Variants in PPTC7 observed in about 807,000 individuals in gnomAD.
The protein encoded by PPTC7 is protein phosphatase PTC7 homolog.
In PPTC7, 6 loss-of-function variants were observed where a neutral mutation model predicts 30.8. The ratio of observed to expected loss-of-function variants is 0.19; its 90% CI spans 0.11 to 0.38. PPTC7 has a LOEUF of 0.38. PPTC7 is among the 10% of genes least tolerant of loss of function. The probability of loss-of-function intolerance (pLI) is 1.00; values close to 1 mark genes in which losing one functional copy is unlikely to be tolerated. For synonymous variants in PPTC7, 163 were observed against 168.1 expected (o/e 0.97, Z 0.23); for missense variants, 218 against 404.8 (o/e 0.54, Z 3.96).
chr12:110,538,583 A>G (rs1230720101), intron 4 of PPTC7, among the ~76,000 whole-genome samples: 1 of 152,186 alleles, frequency 6.6e-6, no homozygotes, highest in African/African-American at 2.4e-5. Context: ...TTTGAAGGAT[A>G]CCTCAAAAGC....
At chr12:110,569,128 T>C (rs1593163191) in intron 1 of PPTC7, among the ~76,000 whole-genome samples, 1 of 143,148 alleles carries the variant, frequency 7.0e-6, no homozygotes, top group South Asian at 2.2e-4. Flanking sequence ...AGGTCTGGAG[T>C]TCAAGACCAG....
intron 3 of PPTC7, among the ~76,000 whole-genome samples, chr12:110,544,954 C>T (rs1408844830): frequency 1.3e-5 from 2 of 152,102 alleles, no homozygotes; most frequent in Non-Finnish European, 2.9e-5. Context: ...AAGAACATAT[C>T]CAAGACCACT....
At chr12:110,578,086 A>G (rs1178094740) in intron 1 of PPTC7, among the ~76,000 whole-genome samples, 1 of 152,166 alleles carries the variant, frequency 6.6e-6, no homozygotes, top group Non-Finnish European at 1.5e-5. Flanking sequence ...AGTTCCACCA[A>G]TAACTAGTAG....
intron 1 of PPTC7, among the ~76,000 whole-genome samples, chr12:110,575,389 G>GA (rs1289372592): frequency 6.6e-6 from 1 of 151,910 alleles, no homozygotes; most frequent in Non-Finnish European, 1.5e-5. Flanking sequence ...AACATAAAAT[G>GA]AATTTGACAT....
intron 1 of PPTC7, among the ~76,000 whole-genome samples, chr12:110,555,717 A>C (rs1468632410): frequency 6.6e-6 from 1 of 152,142 alleles, no homozygotes; most frequent in Non-Finnish European, 1.5e-5. Flanking sequence ...CTAACTAGGG[A>C]TCTATCTTAC....
intron 1 of PPTC7, among the ~76,000 whole-genome samples, chr12:110,561,995 T>C (rs1360230539): frequency 6.6e-6 from 1 of 151,934 alleles, no homozygotes; most frequent in Non-Finnish European, 1.5e-5. Flanking sequence ...GACTGTGAAA[T>C]GTTGTATCTG....
Position 110,537,008 on chromosome 12 carries a change from G to C in PPTC7, c.*29C>G. On this transcript the variant is annotated 3_prime_UTR_variant, in exon 6 of 6. Transcript: ENST00000354300. Reference sequence around the variant, plus strand: ...CATGGCAGGGGAAATTTGGGATGATGAAAGGAAAGGCAGGACTTGACACCT... The same window carrying C: ...CATGGCAGGGGAAATTTGGGATGATCAAAGGAAAGGCAGGACTTGACACCT... The C allele has an allele frequency of 1.9e-6, 3 of 1,581,998 alleles. No homozygotes were observed. Among genetic ancestry groups the C allele is most frequent in the Non-Finnish European group, 2.6e-6 (3 of 1,156,046 alleles).
At chr12:110,574,537 T>TA (rs1265546244) in intron 1 of PPTC7, among the ~76,000 whole-genome samples, 3 of 152,312 alleles carry the variant, frequency 2.0e-5, no homozygotes, top group South Asian at 4.1e-4. Context: ...TTTTTCCTGT[T>TA]AGAGATTTTA....
chr12:110,539,973 G>C (rs1439124355), intron 3 of PPTC7, 28 bp from the exon 4 acceptor site: 1 of 1,609,636 alleles, frequency 6.2e-7, no homozygotes, highest in Admixed American at 1.7e-5. Context: ...GAGGGACAAA[G>C]TTAAGAAGGC....
chr12:110,542,043 G>A (rs1463447483), intron 3 of PPTC7, among the ~76,000 whole-genome samples: 1 of 152,000 alleles, frequency 6.6e-6, no homozygotes, highest in African/African-American at 2.4e-5. Flanking sequence ...CTACTTGGGA[G>A]GCCGACACAG....
In PPTC7 at chr12:110,568,570, C is replaced by T. The variant is rs114383280; in HGVS notation, c.223+14239G>A. 6.1e-3 allele frequency among the ~76,000 whole-genome samples: 929 copies of T among 152,308 alleles called. 16 individuals are homozygous for T. Among genetic ancestry groups the T allele is most frequent in the African/African-American group, 0.021 (858 of 41,564 alleles). On this transcript the variant is annotated intron_variant, in intron 1 of 5. Coordinates refer to ENST00000354300, the MANE Select transcript of PPTC7 (RefSeq NM_139283.2). ...CCTGGCCCTCATGCATATTCTTTCACACCAGTCCTGTGCATGTTTGCCTTC... is the reference window on the plus strand; with the variant it reads ...CCTGGCCCTCATGCATATTCTTTCATACCAGTCCTGTGCATGTTTGCCTTC...
At chr12:110,548,661 T>C (rs1231857443) in intron 2 of PPTC7, among the ~76,000 whole-genome samples, 1 of 152,188 alleles carries the variant, frequency 6.6e-6, no homozygotes, top group Non-Finnish European at 1.5e-5. Flanking sequence ...GAGTAGCACA[T>C]CCTTGAAAAT....
intron 3 of PPTC7, 67 bp from the exon 4 acceptor site, chr12:110,540,012 C>A (rs1453940364): frequency 1.0e-5 from 15 of 1,442,732 alleles, no homozygotes; most frequent in Non-Finnish European, 1.4e-5. Context: ...AAATGTCCTA[C>A]AGGCACTATT....
chr12:110,555,761 T>C (rs1186984790), intron 1 of PPTC7, among the ~76,000 whole-genome samples: 1 of 152,022 alleles, frequency 6.6e-6, no homozygotes, highest in Non-Finnish European at 1.5e-5. Context: ...TTTCAAGGAG[T>C]TGTGAAGAGG....
intron 1 of PPTC7, among the ~76,000 whole-genome samples, chr12:110,573,873 C>T (rs748881899): frequency 1.3e-5 from 2 of 151,800 alleles, no homozygotes; most frequent in Non-Finnish European, 2.9e-5. Flanking sequence ...CCCAGCTACT[C>T]GGGAGGCTGA....
intron 1 of PPTC7, among the ~76,000 whole-genome samples, chr12:110,575,311 T>A (rs979800140): frequency 6.6e-6 from 1 of 152,138 alleles, no homozygotes; most frequent in Admixed American, 6.6e-5. Context: ...AACTTACTTT[T>A]GCAAAGCATT....
chr12:110,572,645 T>G (rs2064547897), intron 1 of PPTC7, among the ~76,000 whole-genome samples: 1 of 152,092 alleles, frequency 6.6e-6, no homozygotes, highest in Admixed American at 6.6e-5. Flanking sequence ...TCTGGCAAAG[T>G]TTTTGCAGTC....
intron 1 of PPTC7, among the ~76,000 whole-genome samples, chr12:110,581,847 G>A (rs1490802844): frequency 6.6e-6 from 1 of 152,222 alleles, no homozygotes; most frequent in Non-Finnish European, 1.5e-5. Context: ...AAATCAAAGT[G>A]ACATTTGAAC....
rs1184025573 is a variant in PPTC7, at chr12:110,534,621, A to G, written c.*2416T>C. On this transcript the variant is annotated 3_prime_UTR_variant, in exon 6 of 6. Transcript: ENST00000354300. ...CCCCGGCAGTCATAAAATTAAGTGCATAACACAAAAAGAACAGGGGAAAAT... is the reference window on the plus strand; with the variant it reads ...CCCCGGCAGTCATAAAATTAAGTGCGTAACACAAAAAGAACAGGGGAAAAT... The G allele has an allele frequency of 2.0e-5, 3 of 152,200 alleles. No individual in the cohort carries two copies. Among genetic ancestry groups the G allele is most frequent in the East Asian group, 1.9e-4 (1 of 5,206 alleles). The allele number at this position is 152,200 out of a possible 1,614,324, so 9.4% of individuals were successfully genotyped here.
Sources: gnomAD v4.1 joint callset for allele counts (sites outside exome capture counted in the v4.1 genomes callset) on GRCh38, gnomAD v4.1.1 for gene constraint, MANE v1.5 for transcripts, NCBI Gene and HGNC (gene_info 2026-07-23, HGNC 2026-07-21) for gene names.